The following CCDC91 variants were observed in gnomAD, a reference collection of about 807,000 sequenced individuals.
The protein encoded by CCDC91 is coiled-coil domain-containing protein 91.
A neutral mutation model predicts 63.2 loss-of-function variants in CCDC91; 48 were observed. The observed-to-expected ratio is 0.76, with a 90% CI of 0.60 to 0.97. The LOEUF is 0.97. CCDC91 is among the 50% of genes least tolerant of loss of function. The pLI is 0.00. For synonymous variants in CCDC91, 167 were observed against 165.8 expected (o/e 1.01, Z -0.06); for missense variants, 500 against 494.6 (o/e 1.01, Z -0.10).
chr12:28,477,622 T>A (rs1385374784), intron 11 of CCDC91, among the ~76,000 whole-genome samples: 1 of 152,102 alleles, frequency 6.6e-6, no homozygotes, highest in African/African-American at 2.4e-5. Flanking sequence ...GCCGGGGCAA[T>A]CAGGCAGGAG....
intron 8 of CCDC91, among the ~76,000 whole-genome samples, chr12:28,406,632 C>T (rs141878991): frequency 1.3e-5 from 2 of 152,048 alleles, no homozygotes; most frequent in South Asian, 2.1e-4. Context: ...ATATGAAATC[C>T]AACTCATCAA....
chr12:28,422,345 T>C (rs1336199287), intron 8 of CCDC91, among the ~76,000 whole-genome samples: 1 of 152,110 alleles, frequency 6.6e-6, no homozygotes, highest in Admixed American at 6.6e-5. Context: ...AGGGTACTTA[T>C]CAAAATATAA....
intron 1 of CCDC91, among the ~76,000 whole-genome samples, chr12:28,194,090 T>A (rs1348251070): frequency 1.3e-5 from 2 of 152,292 alleles, no homozygotes; most frequent in African/African-American, 2.4e-5. Context: ...TGATTTGTGC[T>A]TTTTTATCAT....
chr12:28,385,771 TG>T (rs1342306231), intron 7 of CCDC91, among the ~76,000 whole-genome samples: 5 of 152,116 alleles, frequency 3.3e-5, no homozygotes, highest in Non-Finnish European at 5.9e-5. Flanking sequence ...TCTGAAACAA[TG>T]GGGCTATTTC....
rs559835971 is a variant in CCDC91 at position 28,354,470 on chromosome 12, C to T, written c.577-7968C>T. 1.4e-4 allele frequency among the ~76,000 whole-genome samples: 21 copies of T among 152,176 alleles called. 1 individual carries two copies. Among genetic ancestry groups the T allele is most frequent in the Non-Finnish European group, 2.6e-4 (18 of 68,004 alleles). ...CACTATTTCCAAATAAGGTTACATG[C>T]GCGGCTACCAGGTTTTAGGACTTGG... On this transcript the variant is annotated intron_variant, in intron 6 of 12. Coordinates refer to ENST00000536442, the MANE Select transcript of CCDC91 (RefSeq NM_018318.5).
At chr12:28,342,046 C>T (rs1942463353) in intron 6 of CCDC91, among the ~76,000 whole-genome samples, 1 of 152,138 alleles carries the variant, frequency 6.6e-6, no homozygotes, top group South Asian at 2.1e-4. Context: ...TTGGATTCCC[C>T]TGATAGCCCC....
At chr12:28,453,110 T>C (rs1340243312) in intron 11 of CCDC91, among the ~76,000 whole-genome samples, 1 of 151,926 alleles carries the variant, frequency 6.6e-6, no homozygotes, top group East Asian at 1.9e-4. Context: ...TAACAATAAT[T>C]AATAAAACCT....
At chr12:28,531,808 A>G (rs553025889) in intron 12 of CCDC91, among the ~76,000 whole-genome samples, 1 of 152,318 alleles carries the variant, frequency 6.6e-6, no homozygotes, top group East Asian at 1.9e-4. Flanking sequence ...CTTTGGAAAT[A>G]CAGAAGTAAA....
chr12:28,262,902 GAGA>G (rs138325235), intron 3 of CCDC91, among the ~76,000 whole-genome samples: 1,584 of 151,992 alleles, frequency 0.01, 35 homozygotes, highest in African/African-American at 0.036. Context: ...GCTACCCAAG[GAGA>G]AGAACTGCCT....
At chr12:28,398,901 A>T (rs1329735463) in intron 8 of CCDC91, among the ~76,000 whole-genome samples, 1 of 152,238 alleles carries the variant, frequency 6.6e-6, no homozygotes, top group Non-Finnish European at 1.5e-5. Flanking sequence ...ATCCTTTGAC[A>T]GATATGTGCA....
At chr12:28,525,138 T>C (rs1167822235) in intron 12 of CCDC91, among the ~76,000 whole-genome samples, 4 of 152,086 alleles carry the variant, frequency 2.6e-5, no homozygotes, top group Non-Finnish European at 5.9e-5. Flanking sequence ...TTTCTTCTGC[T>C]GGGTTTGGGT....
chr12:28,410,056 T>C (rs1286061344), intron 8 of CCDC91, among the ~76,000 whole-genome samples: 1 of 152,152 alleles, frequency 6.6e-6, no homozygotes, highest in African/African-American at 2.4e-5. Flanking sequence ...TTTTGGTGTC[T>C]TGTCAAGTCT....
At position 28,329,496 on chromosome 12, in the gene CCDC91, C is replaced by T. The variant is rs1470318871; in HGVS notation, c.576+21747C>T. Among the ~76,000 whole-genome samples the T allele has an allele frequency of 2.6e-5, 4 of 152,196 alleles. No homozygotes were observed. In the South Asian group the frequency reaches 8.3e-4, roughly 32 times the overall value. ...ATTTAATTTTATATGATAAGGTCTA[C>T]ATATACTTGAGACACCTTTTTATTT... On this transcript the variant is annotated intron_variant, in intron 6 of 12. Coordinates refer to ENST00000536442, the MANE Select transcript of CCDC91 (RefSeq NM_018318.5).
At chr12:28,238,413 A>G (rs897366980) in intron 1 of CCDC91, among the ~76,000 whole-genome samples, 1 of 152,208 alleles carries the variant, frequency 6.6e-6, no homozygotes, top group Admixed American at 6.5e-5. Context: ...AGAACCAGCA[A>G]TAACATTGTA....
chr12:28,357,627 G>A (rs1157785235), intron 6 of CCDC91, among the ~76,000 whole-genome samples: 1 of 152,022 alleles, frequency 6.6e-6, no homozygotes, highest in African/African-American at 2.4e-5. Context: ...AAGCATTAGG[G>A]TGGCTATCAG....
At chr12:28,332,594 A>G (rs1475735198) in intron 6 of CCDC91, among the ~76,000 whole-genome samples, 2 of 152,212 alleles carry the variant, frequency 1.3e-5, no homozygotes, top group Admixed American at 6.5e-5. Flanking sequence ...AATATGCTCT[A>G]TATTTTGTGG....
In CCDC91 at chr12:28,329,421, CTG is replaced by C. The variant is rs757085203; in HGVS notation, c.576+21674_576+21675del. Among the ~76,000 whole-genome samples the C allele has an allele frequency of 3.3e-5, 5 of 152,102 alleles. No homozygotes were observed. In the East Asian group the frequency reaches 9.7e-4, roughly 29 times the overall value. ...CTAAAGATATATTTCATAGGTGAAA[CTG>C]TTTTTCCATGTCATAAACTCTCTTG... is the stretch of plus-strand genomic sequence containing the variant. On this transcript the variant is annotated intron_variant, in intron 6 of 12. Coordinates refer to ENST00000536442, the MANE Select transcript of CCDC91 (RefSeq NM_018318.5).
intron 3 of CCDC91, among the ~76,000 whole-genome samples, chr12:28,276,652 C>G (rs146859421): frequency 6.6e-6 from 1 of 151,794 alleles, no homozygotes; most frequent in Non-Finnish European, 1.5e-5. Context: ...CTTTCAAGGT[C>G]TTGGGGCAAA....
chr12:28,421,351 C>A (rs1947996311), intron 8 of CCDC91, among the ~76,000 whole-genome samples: 1 of 151,990 alleles, frequency 6.6e-6, no homozygotes, highest in Non-Finnish European at 1.5e-5. Flanking sequence ...TAGATCCTCT[C>A]CCTCTTCCCA....
Sources: allele counts gnomAD v4.1 joint callset (sites outside exome capture counted in the v4.1 genomes callset), GRCh38; gene constraint gnomAD v4.1.1; transcripts MANE v1.5; gene names NCBI Gene and HGNC (gene_info 2026-07-23, HGNC 2026-07-21).